Variants in ANKRD30A observed in about 807,000 individuals in gnomAD.
ANKRD30A encodes the protein ankyrin repeat domain-containing protein 30A.
Under a neutral mutation model 166.3 loss-of-function variants are expected in ANKRD30A, and 170 were observed. The ratio of observed to expected loss-of-function variants is 1.02; its 90% CI spans 0.90 to 1.16. The LOEUF is 1.16. Ranked by LOEUF, ANKRD30A falls within the 50% of genes most tolerant of loss-of-function variation. The pLI, the probability that ANKRD30A is intolerant of heterozygous loss-of-function variation, is 0.00. For missense variants in ANKRD30A, 1,630 were observed against 1,518.0 expected (o/e 1.07, Z -1.23); for synonymous variants, 564 against 508.9 (o/e 1.11, Z -1.46).
At chr10:37,154,473 A>C (rs1411687123) in intron 13 of ANKRD30A, among the ~76,000 whole-genome samples, 1 of 152,196 alleles carries the variant, frequency 6.6e-6, no homozygotes, top group Non-Finnish European at 1.5e-5. Flanking sequence ...ATAGAAGGTC[A>C]AGACAGAAAA....
the ANKRD30A span, among the ~76,000 whole-genome samples, chr10:37,237,993 A>G: frequency 6.6e-6 from 1 of 152,216 alleles, no homozygotes; most frequent in African/African-American, 2.4e-5. Flanking sequence ...GTAACATTGA[A>G]AAGTTTATAC....
At chr10:37,191,642 G>A (rs1318925770) in intron 25 of ANKRD30A, among the ~76,000 whole-genome samples, 2 of 151,952 alleles carry the variant, frequency 1.3e-5, no homozygotes, top group African/African-American at 4.8e-5. Context: ...GTACAATGTT[G>A]TTGTCATTCT....
intron 27 of ANKRD30A, among the ~76,000 whole-genome samples, chr10:37,196,166 C>T (rs1259945988): frequency 2.1e-5 from 3 of 142,248 alleles, no homozygotes; most frequent in African/African-American, 7.9e-5. Context: ...AGAATGTAGG[C>T]AGGTAATTCT....
At chr10:37,166,136 TA>T (rs1346375371) in intron 18 of ANKRD30A, among the ~76,000 whole-genome samples, 2 of 152,192 alleles carry the variant, frequency 1.3e-5, no homozygotes, top group African/African-American at 4.8e-5. Context: ...TGACAGACTC[TA>T]AAAGTTCTCA....
Position 37,216,287 on chromosome 10 carries a change from G to A in ANKRD30A, c.2976G>A (p.Met992Ile), listed in dbSNP as rs755110014. 2 of 1,608,516 alleles carry A rather than the reference G, an allele frequency of 1.2e-6. No individual in the cohort carries two copies. The highest frequency in any genetic ancestry group is 3.4e-5 in the Admixed American group (2 of 59,540). Residue 992 changes from methionine to isoleucine, a missense_variant, in exon 32 of 36, where the codon ATG (methionine) becomes ATA (isoleucine). By Grantham distance (10) the Met-to-Ile change is conservative. This residue lies in a region of ANKRD30A where 712 missense variants were observed against 629.3 expected (regional missense o/e 1.13). Coordinates refer to ENST00000361713, the MANE Select transcript of ANKRD30A (RefSeq NM_052997.3). ...AACGTACAGGAAAAATGGAACAAAT[G>A]AAAAAGAAGTTTTGTGTACTGAAAA... ...CEQRTGKMEQ[M>I]KKKFCVLKKK...
intron 21 of ANKRD30A, among the ~76,000 whole-genome samples, chr10:37,171,350 A>G (rs977476482): frequency 2.7e-5 from 4 of 145,730 alleles, no homozygotes; most frequent in Non-Finnish European, 6.1e-5. Context: ...TTACTGCTTC[A>G]TTCACTGTTA....
At chr10:37,216,469 T>C (rs1842615143) in intron 32 of ANKRD30A, 75 bp downstream of exon 32, 4 of 1,374,276 alleles carry the variant, frequency 2.9e-6, no homozygotes, top group Non-Finnish European at 3.9e-6. Context: ...TTGTAATAGC[T>C]GACTTACCTT....
intron 3 of ANKRD30A, among the ~76,000 whole-genome samples, chr10:37,131,523 G>A (rs1254585491): frequency 1.3e-5 from 2 of 152,154 alleles, no homozygotes; most frequent in African/African-American, 4.8e-5. Context: ...TTAATTTGGA[G>A]TTGCTTCCTT....
intron 24 of ANKRD30A, among the ~76,000 whole-genome samples, chr10:37,183,592 C>A (rs1439116125): frequency 6.8e-6 from 1 of 146,982 alleles, no homozygotes; most frequent in Non-Finnish European, 1.5e-5. Flanking sequence ...TGTCTCATGG[C>A]ACTGTGCTCT....
intron 25 of ANKRD30A, among the ~76,000 whole-genome samples, chr10:37,190,118 A>G (rs1431435138): frequency 6.6e-6 from 1 of 151,942 alleles, no homozygotes; most frequent in African/African-American, 2.4e-5. Flanking sequence ...GAGAATAAGC[A>G]TATCTGCATG....
At chr10:37,220,157 T>C (rs908750998) in intron 34 of ANKRD30A, among the ~76,000 whole-genome samples, 35 of 150,052 alleles carry the variant, frequency 2.3e-4, no homozygotes, top group Non-Finnish European at 4.3e-4. Flanking sequence ...GTGTCACTGA[T>C]GAAATTTTAA....
intron 3 of ANKRD30A, among the ~76,000 whole-genome samples, chr10:37,131,530 C>T (rs1325155904): frequency 6.6e-6 from 1 of 152,114 alleles, no homozygotes; most frequent in Non-Finnish European, 1.5e-5. Flanking sequence ...GGAGTTGCTT[C>T]CTTAGTGACC....
intron 3 of ANKRD30A, among the ~76,000 whole-genome samples, chr10:37,131,620 AC>A (rs1185747955): frequency 1.3e-5 from 2 of 152,150 alleles, no homozygotes; most frequent in Non-Finnish European, 2.9e-5. Context: ...AGTTTGTATC[AC>A]CCAGAGGAAA....
chr10:37,245,362 A>G, the ANKRD30A span, among the ~76,000 whole-genome samples: 9 of 152,096 alleles, frequency 5.9e-5, no homozygotes, highest in East Asian at 1.9e-4. Context: ...AGGATTTTCT[A>G]TATACACATA....
intron 13 of ANKRD30A, among the ~76,000 whole-genome samples, chr10:37,157,198 A>G (rs140468236): frequency 2.6e-5 from 4 of 152,336 alleles, no homozygotes; most frequent in African/African-American, 7.2e-5. Context: ...ATTCATAACA[A>G]TAGTTTAACA....
Position 37,219,821 on chromosome 10 carries a change from A to C in ANKRD30A, c.4109A>C (p.Asn1370Thr). 1.3e-6 allele frequency: 2 copies of C among 1,598,204 alleles called. No individual in the cohort carries two copies. Among genetic ancestry groups the C allele is most frequent in the Non-Finnish European group, 1.7e-6 (2 of 1,170,946 alleles). The change falls in exon 34 of 36, where the codon AAT becomes ACT. Residue 1370 changes from asparagine (N) to threonine (T), a missense_variant. Physicochemically the swap from Asn to Thr is moderately conservative, Grantham distance 65. Around this residue, in one of 4 missense-constraint regions of ANKRD30A, gnomAD observed 712 missense variants for 629.3 expected, o/e 1.13. Coordinates refer to ENST00000361713, the MANE Select transcript of ANKRD30A (RefSeq NM_052997.3). ...CAACATCATCTCCTAAAAGAGAAAA[A>C]TGAGGAGATATTTAATTACAATAAC... ...KMQHHLLKEK[N>T]EEIFNYNNHL... is the part of the protein sequence containing the mutation.
Position 37,197,698 on chromosome 10 carries a change from A to G in ANKRD30A, c.2716+218A>G, listed in dbSNP as rs551808552. Among the ~76,000 whole-genome samples, 7 of 152,188 alleles carry G rather than the reference A, an allele frequency of 4.6e-5. No homozygotes were observed. The South Asian group carries it at 1.2e-3, about 27-fold the overall frequency. On this transcript the variant is annotated intron_variant, in intron 29 of 35. Transcript: ENST00000361713. ...TGTAGCCTTAATCTCAGATGTTTCT[A>G]CTTTTGTATCCTGAAACTGTAATGT...
intron 31 of ANKRD30A, among the ~76,000 whole-genome samples, chr10:37,208,212 C>T (rs1199071624): frequency 1.3e-5 from 2 of 152,114 alleles, no homozygotes; most frequent in African/African-American, 4.8e-5. Flanking sequence ...TCACTAAGAG[C>T]TTTTCCTGAG....
Position 37,219,043 on chromosome 10 carries a change from A to G in ANKRD30A, c.3331A>G (p.Ile1111Val), listed in dbSNP as rs1283203129. ...TGAAAATTGCATGTTGAAAAAGGAA[A>G]TTGCCATGCTAAAACTGGAAATAGC... Reference protein sequence around the residue: ...LHENCMLKKEIAMLKLEIATL... With the variant: ...LHENCMLKKEVAMLKLEIATL... The change falls in exon 34 of 36, where the codon ATT (isoleucine) becomes GTT (valine). Residue 1111 changes from isoleucine to valine, a missense_variant. By Grantham distance (29) the Ile-to-Val change is conservative. This residue lies in a region of ANKRD30A where 712 missense variants were observed against 629.3 expected (regional missense o/e 1.13). Coordinates refer to ENST00000361713, the MANE Select transcript of ANKRD30A (RefSeq NM_052997.3). 3 of 1,602,700 alleles carry G rather than the reference A, an allele frequency of 1.9e-6. No individual in the cohort carries two copies. The highest frequency in any genetic ancestry group is 1.7e-6 in the Non-Finnish European group (2 of 1,175,100).
Sources: gnomAD v4.1 joint callset for allele counts (sites outside exome capture counted in the v4.1 genomes callset) on GRCh38, gnomAD v4.1.1 for gene constraint, gnomAD v4.1.1 regional missense constraint, MANE v1.5 for transcripts, NCBI Gene and HGNC (gene_info 2026-07-23, HGNC 2026-07-21) for gene names.